ESR1: variants seen among roughly 807,000 people sequenced by gnomAD.
ESR1 encodes estrogen receptor.
ESR1 carries 12 observed loss-of-function variants against 52.7 expected under a neutral mutation model. That is an observed-to-expected ratio of 0.23 (90% confidence interval 0.15 to 0.37). The LOEUF (loss-of-function observed/expected upper bound fraction) is 0.37, where lower values mean the gene tolerates loss of function less well. Ranked by LOEUF, ESR1 falls within the 10% of genes least tolerant of loss-of-function variation. The pLI is 1.00. For synonymous variants in ESR1, 305 were observed against 316.8 expected (o/e 0.96, Z 0.39); for missense variants, 584 against 779.7 (o/e 0.75, Z 2.99).
At chr6:151,659,213 A>G (rs1199700630) in intron 1 of ESR1, among the ~76,000 whole-genome samples, 1 of 152,166 alleles carries the variant, frequency 6.6e-6, no homozygotes, top group Non-Finnish European at 1.5e-5. Flanking sequence ...GTGTTTCACT[A>G]TGTTAGCCAG....
chr6:151,885,905 G>A (rs186698040), intron 3 of ESR1, among the ~76,000 whole-genome samples: 2 of 152,152 alleles, frequency 1.3e-5, no homozygotes, highest in African/African-American at 2.4e-5. Flanking sequence ...TAATGAGTTT[G>A]TCATGAAGAT....
intron 4 of ESR1, among the ~76,000 whole-genome samples, chr6:152,009,655 G>C (rs9340960): frequency 3.9e-5 from 6 of 152,058 alleles, no homozygotes; most frequent in Non-Finnish European, 8.8e-5. Context: ...CAACTACTTT[G>C]AAAACAGTTT....
intron 1 of ESR1, among the ~76,000 whole-genome samples, chr6:151,665,542 T>C (rs958074910): frequency 3.3e-5 from 5 of 152,180 alleles, no homozygotes. Context: ...TTTGACCACG[T>C]GTGCACAGCC....
In ESR1 at chr6:152,011,561, A is replaced by G. The variant is rs9340973; in HGVS notation, c.1097-95A>G. 1,268 of 1,417,048 alleles carry G rather than the reference A, an allele frequency of 8.9e-4. 11 individuals are homozygous for G. The African/African-American group carries it at 0.016, about 18-fold the overall frequency. 87.8% of individuals were successfully genotyped at this position (1,417,048 alleles called of 1,614,324 possible). ...TTGCATTTACTCCATCTAGTAGAAAATAGACCTTGTCAGTTCAAATCCCTG... is the reference window on the plus strand; with the variant it reads ...TTGCATTTACTCCATCTAGTAGAAAGTAGACCTTGTCAGTTCAAATCCCTG... On this transcript the variant is annotated intron_variant, in intron 4 of 7. Coordinates refer to ENST00000206249, the MANE Select transcript of ESR1 (RefSeq NM_000125.4).
chr6:151,754,966 C>T (rs935892964), intron 2 of ESR1, among the ~76,000 whole-genome samples: 2 of 152,144 alleles, frequency 1.3e-5, no homozygotes, highest in Non-Finnish European at 2.9e-5. Flanking sequence ...AATCCCAGCA[C>T]TTTAGGAGGC....
chr6:151,807,383 C>T (rs1232403640), upstream of ESR1: 4 of 208,610 alleles, frequency 1.9e-5, no homozygotes, highest in East Asian at 1.1e-4. Flanking sequence ...AGAAAGCCGG[C>T]CCCTGGATCC....
At chr6:152,035,845 C>A (rs1296083525) in intron 5 of ESR1, among the ~76,000 whole-genome samples, 2 of 152,086 alleles carry the variant, frequency 1.3e-5, no homozygotes, top group Non-Finnish European at 2.9e-5. Flanking sequence ...GGTCCTGACA[C>A]AATTGATATC....
intron 4 of ESR1, among the ~76,000 whole-genome samples, chr6:151,948,167 T>A (rs2035923911): frequency 6.6e-6 from 1 of 151,374 alleles, no homozygotes; most frequent in African/African-American, 2.5e-5. Flanking sequence ...ATTGCATCAT[T>A]GAGTGGTTCA....
At chr6:152,050,735 C>T (rs531254072) in intron 5 of ESR1, among the ~76,000 whole-genome samples, 10 of 152,296 alleles carry the variant, frequency 6.6e-5, no homozygotes, top group Non-Finnish European at 1.3e-4. Context: ...ATTCTTGTAA[C>T]CTTCAGATCA....
intron 3 of ESR1, among the ~76,000 whole-genome samples, chr6:151,918,259 T>C (rs755730203): frequency 3.3e-5 from 5 of 152,220 alleles, no homozygotes; most frequent in East Asian, 1.9e-4. Flanking sequence ...AGAACCCACA[T>C]TGGGCTTGAG....
intron 4 of ESR1, among the ~76,000 whole-genome samples, chr6:151,972,524 C>G (rs560101400): frequency 2.6e-5 from 4 of 152,212 alleles, no homozygotes; most frequent in Non-Finnish European, 5.9e-5. Flanking sequence ...ATGTGATACA[C>G]CACATGAATA....
rs529638755 is a variant in ESR1 at position 151,986,484 on chromosome 6, A to C, written c.1097-25172A>C. 3.9e-5 allele frequency among the ~76,000 whole-genome samples: 6 copies of C among 152,188 alleles called. No individual in the cohort carries two copies. In the South Asian group the frequency reaches 1.2e-3, roughly 32 times the overall value. On this transcript the variant is annotated intron_variant, in intron 4 of 7. Coordinates refer to ENST00000206249, the MANE Select transcript of ESR1 (RefSeq NM_000125.4). ...ATCCCCCAGGCCCCTTGGTATGGAG[A>C]AAGCAGTTTATTTGTCTTAGTAAGA...
intron 2 of ESR1, among the ~76,000 whole-genome samples, chr6:151,754,379 C>T (rs9479104): frequency 0.052 from 7,801 of 148,846 alleles, 712 homozygotes; most frequent in African/African-American, 0.18. Context: ...TTTTATTTAG[C>T]CTTTGGCCTG....
At chr6:151,840,526 T>C (rs576950354) in intron 1 of ESR1, among the ~76,000 whole-genome samples, 1 of 152,362 alleles carries the variant, frequency 6.6e-6, no homozygotes, top group African/African-American at 2.4e-5. Flanking sequence ...GTGAATATTA[T>C]GGCAAATGTA....
intron 2 of ESR1, among the ~76,000 whole-genome samples, chr6:151,845,348 ATCACAAGG>A (rs1215045290): frequency 4.6e-5 from 7 of 152,160 alleles, no homozygotes; most frequent in African/African-American, 1.7e-4. Context: ...AGGCGAGTGG[ATCACAAGG>A]TCAGGAGATC....
chr6:151,985,069 A>T (rs2982684), intron 4 of ESR1, among the ~76,000 whole-genome samples: 2 of 151,932 alleles, frequency 1.3e-5, no homozygotes, highest in Non-Finnish European at 2.9e-5. Flanking sequence ...AATGTCCCCC[A>T]ACATAGAGTA....
chr6:152,106,514 G>A (rs563879507), downstream of ESR1, among the ~76,000 whole-genome samples: 9 of 152,224 alleles, frequency 5.9e-5, no homozygotes, highest in East Asian at 5.8e-4. Flanking sequence ...TTTTTGAAGC[G>A]CGGTTTGTAG....
intron 3 of ESR1, among the ~76,000 whole-genome samples, chr6:151,884,405 A>G (rs938375263): frequency 4.6e-5 from 7 of 152,254 alleles, no homozygotes; most frequent in Non-Finnish European, 1.5e-5. Flanking sequence ...AATCTTTACA[A>G]CATGTTTTCA....
upstream of ESR1, among the ~76,000 whole-genome samples, chr6:151,689,647 C>T (rs1457486553): frequency 6.6e-6 from 1 of 152,130 alleles, no homozygotes; most frequent in Non-Finnish European, 1.5e-5. Context: ...GGCAGGTGTT[C>T]CTCTGTACTG....
Sources: gnomAD v4.1 joint callset for allele counts (sites outside exome capture counted in the v4.1 genomes callset) on GRCh38, gnomAD v4.1.1 for gene constraint, MANE v1.5 for transcripts, NCBI Gene and HGNC (gene_info 2026-07-23, HGNC 2026-07-21) for gene names.